SPRR2G: variants seen among roughly 807,000 people sequenced by gnomAD.
SPRR2G encodes the protein small proline-rich protein 2G.
SPRR2G carries 1 observed loss-of-function variant against 0.7 expected under a neutral mutation model. The ratio of observed to expected loss-of-function variants is 1.49; its 90% confidence interval spans 0.53 to 7.06. SPRR2G has a LOEUF of 7.06. Among genes scored for constraint, SPRR2G ranks in the 30% most tolerant of loss-of-function variants. The probability of loss-of-function intolerance (pLI) is 0.14; values close to 1 mark genes in which losing one functional copy is unlikely to be tolerated. For synonymous variants in SPRR2G, 38 were observed against 33.9 expected (o/e 1.12, Z -0.42); for missense variants, 96 against 88.5 (o/e 1.09, Z -0.34).
chr1:153,192,417 A>C, the SPRR2G span, among the ~76,000 whole-genome samples: 1 of 152,216 alleles, frequency 6.6e-6, no homozygotes, highest in African/African-American at 2.4e-5. Context: ...ATGGAGGCAA[A>C]ACCACATCAT....
chr1:153,164,297 C>A, the SPRR2G span, among the ~76,000 whole-genome samples: 1 of 152,106 alleles, frequency 6.6e-6, no homozygotes. Flanking sequence ...AATGGCAGGA[C>A]CATGAGGCCA....
chr1:153,160,554 A>G, the SPRR2G span, among the ~76,000 whole-genome samples: 2 of 152,176 alleles, frequency 1.3e-5, no homozygotes, highest in African/African-American at 2.4e-5. Context: ...CCTCATCAAC[A>G]CTTGTTATCC....
the SPRR2G span, among the ~76,000 whole-genome samples, chr1:153,180,062 T>C: frequency 3.3e-5 from 5 of 152,218 alleles, no homozygotes; most frequent in African/African-American, 9.6e-5. Flanking sequence ...ATTGGCATTC[T>C]GGTGGCTTCC....
At position 153,149,834 on chromosome 1, in the gene SPRR2G, G is replaced by A. The variant is rs510277; in HGVS notation, c.*55C>T. On this transcript the variant is annotated 3_prime_UTR_variant, in exon 2 of 2. Transcript: ENST00000368748. The stretch of plus-strand genomic sequence containing the variant: ...AAGGGAAGATGATGGAGTCCTGGGA[G>A]TAAGAAGAGCCACTGGATCTTGTTG... 866,243 of 1,598,864 alleles carry A rather than the reference G, an allele frequency of 0.54. 239,399 individuals are homozygous for A. The highest frequency in any genetic ancestry group is 0.57 in the Non-Finnish European group (670,315 of 1,167,622).
At chr1:153,196,663 ATCTGAAAATGT>A in the SPRR2G span, among the ~76,000 whole-genome samples, 2 of 152,270 alleles carry the variant, frequency 1.3e-5, no homozygotes, top group Admixed American at 1.3e-4. Context: ...ACTTCAAATC[ATCTGAAAATGT>A]CCCCCAAATT....
the SPRR2G span, among the ~76,000 whole-genome samples, chr1:153,163,197 C>G: frequency 0.022 from 3,357 of 152,152 alleles, 110 homozygotes; most frequent in East Asian, 0.1. Flanking sequence ...AAGTGGCACT[C>G]GAAAAGAAGC....
upstream of SPRR2G, among the ~76,000 whole-genome samples, chr1:153,154,982 C>T (rs16834995): frequency 6.6e-6 from 1 of 152,138 alleles, no homozygotes; most frequent in Admixed American, 6.5e-5. Context: ...AGAGTCTCTA[C>T]TTACTGGTTT....
At chr1:153,173,417 A>G in the SPRR2G span, among the ~76,000 whole-genome samples, 2 of 152,138 alleles carry the variant, frequency 1.3e-5, 1 homozygote, top group East Asian at 3.9e-4. Flanking sequence ...AAATAGAGGG[A>G]AATGATGGAG....
the SPRR2G span, among the ~76,000 whole-genome samples, chr1:153,193,132 A>T: frequency 6.6e-6 from 1 of 152,192 alleles, no homozygotes; most frequent in Non-Finnish European, 1.5e-5. Flanking sequence ...AAACAAATGC[A>T]GCTAGAGGAC....
chr1:153,153,097 G>A (rs527739442), upstream of SPRR2G, among the ~76,000 whole-genome samples: 24 of 152,202 alleles, frequency 1.6e-4, no homozygotes, highest in Admixed American at 2.6e-4. Flanking sequence ...AGGGTTTGCT[G>A]GAGTTTACTT....
the SPRR2G span, among the ~76,000 whole-genome samples, chr1:153,182,986 T>C: frequency 2.0e-5 from 3 of 152,038 alleles, no homozygotes; most frequent in African/African-American, 7.2e-5. Flanking sequence ...GTTAAGCTAA[T>C]TTACACTCCC....
chr1:153,194,816 C>T, the SPRR2G span, among the ~76,000 whole-genome samples: 2 of 152,272 alleles, frequency 1.3e-5, no homozygotes, highest in Non-Finnish European at 1.5e-5. Flanking sequence ...AGATACTCCC[C>T]TTGGCTGAGT....
the SPRR2G span, chr1:153,176,482 A>T: frequency 2.6e-5 from 4 of 152,188 alleles, no homozygotes; most frequent in African/African-American, 7.2e-5. Flanking sequence ...GGTCTGGAAC[A>T]CATAAAAAGT....
the SPRR2G span, among the ~76,000 whole-genome samples, chr1:153,168,666 T>C: frequency 5.3e-5 from 8 of 152,142 alleles, no homozygotes; most frequent in Non-Finnish European, 7.3e-5. Context: ...TGGAAAGGCA[T>C]TGATACATTC....
the SPRR2G span, among the ~76,000 whole-genome samples, chr1:153,185,151 T>C: frequency 1.2e-4 from 19 of 152,304 alleles, no homozygotes; most frequent in African/African-American, 4.3e-4. Context: ...ATCAGGAATA[T>C]TGGCCTGAAA....
At chr1:153,162,582 T>G in the SPRR2G span, among the ~76,000 whole-genome samples, 1 of 151,912 alleles carries the variant, frequency 6.6e-6, no homozygotes, top group African/African-American at 2.4e-5. Context: ...CCCACTGAAA[T>G]GGTGCAGGCC....
chr1:153,200,453 T>G, the SPRR2G span, among the ~76,000 whole-genome samples: 8 of 152,136 alleles, frequency 5.3e-5, no homozygotes, highest in African/African-American at 1.4e-4. Flanking sequence ...CAAACATTTT[T>G]GGGGGGTACT....
At chr1:153,174,980 G>A in the SPRR2G span, among the ~76,000 whole-genome samples, 1 of 152,164 alleles carries the variant, frequency 6.6e-6, no homozygotes, top group African/African-American at 2.4e-5. Context: ...CCTAGAGTAA[G>A]GTAGACCTAA....
chr1:153,193,327 C>T, the SPRR2G span, among the ~76,000 whole-genome samples: 1 of 152,208 alleles, frequency 6.6e-6, no homozygotes, highest in Non-Finnish European at 1.5e-5. Flanking sequence ...TATTTCCCCA[C>T]ACTTAGCTCT....
Sources: gnomAD v4.1 joint callset for allele counts (sites outside exome capture counted in the v4.1 genomes callset) on GRCh38, gnomAD v4.1.1 for gene constraint, MANE v1.5 for transcripts, NCBI Gene and HGNC (gene_info 2026-07-23, HGNC 2026-07-21) for gene names.